TSPO: variants seen among roughly 807,000 people sequenced by gnomAD.
TSPO encodes benzodiazepine peripheral binding site.
TSPO carries 14 observed loss-of-function variants against 13.9 expected under a neutral mutation model. The ratio of observed to expected loss-of-function variants is 1.01; its 90% CI spans 0.67 to 1.58. The LOEUF is 1.58. TSPO is among the 40% of genes most tolerant of loss of function. The pLI is 0.00. For synonymous variants in TSPO, 114 were observed against 105.9 expected, an observed-to-expected ratio of 1.08 and a Z score of -0.47; for missense variants, 232 against 229.6, an observed-to-expected ratio of 1.01 and a Z score of -0.07.
Position 43,154,999 on chromosome 22 carries a change from G to A in TSPO, c.-30+3395G>A, listed in dbSNP as rs914865751. On this transcript the variant is annotated intron_variant, in intron 1 of 3. Coordinates refer to ENST00000337554, the MANE Select transcript of TSPO (RefSeq NM_000714.6). ...AGTGGCCTGCGGGTCCAATCCTGGC[G>A]CCGCAGGCTCTATGAGCCCTGTTTC... Among the ~76,000 whole-genome samples the A allele has an allele frequency of 2.0e-5, 3 of 151,948 alleles. No individual in the cohort carries two copies. The South Asian group carries it at 6.2e-4, about 32-fold the overall frequency.
chr22:43,155,849 C>T (rs903091475), intron 1 of TSPO, among the ~76,000 whole-genome samples: 8 of 152,200 alleles, frequency 5.3e-5, no homozygotes, highest in African/African-American at 1.9e-4. Flanking sequence ...CATGTGTGCC[C>T]CCTGGCCTGG....
chr22:43,153,990 C>A (rs76824102), intron 1 of TSPO, among the ~76,000 whole-genome samples: 5,203 of 152,106 alleles, frequency 0.034, 304 homozygotes, highest in African/African-American at 0.12. Context: ...AAAAGTTTAA[C>A]CCCCGAACCT....
At chr22:43,154,612 C>A (rs1281000284) in intron 1 of TSPO, among the ~76,000 whole-genome samples, 1 of 152,030 alleles carries the variant, frequency 6.6e-6, no homozygotes, top group Non-Finnish European at 1.5e-5. Flanking sequence ...CCTGCCTCAG[C>A]CTCCCAAAGT....
chr22:43,161,002 G>T, intron 2 of TSPO, 50 bp from the exon 3 acceptor site: 2 of 1,568,912 alleles, frequency 1.3e-6, no homozygotes, highest in South Asian at 1.2e-5. Context: ...GGTGGGCAAC[G>T]CTCCTGGCCT....
rs1331422610 is a variant in TSPO at position 43,159,215 on chromosome 22, C to T, written c.-24C>T. On this transcript the variant is annotated 5_prime_UTR_variant, in exon 2 of 4. Transcript: ENST00000337554. ...AGCCCTGTCTTCTCTTTCAGAGCTC[C>T]CCTGAACAGCAGCTGCAGCAGCCAT... 6.6e-7 allele frequency: 1 copy of T among 1,526,002 alleles called. No homozygotes were observed. Among genetic ancestry groups the T allele is most frequent in the East Asian group, 2.5e-5 (1 of 40,758 alleles). The allele number at this position is 1,526,002 out of a possible 1,614,324, so 94.5% of individuals were successfully genotyped here. A position where few individuals can be genotyped will look rare whatever the true frequency, so the allele number is the denominator to read the frequency against.
rs9333330 is a variant in TSPO at position 43,158,860 on chromosome 22, G to A, written c.-29-350G>A. Reference sequence around the variant, plus strand: ...AAAGGTGAATGTGAAGTGCTGGAACGTAAAGCACTGGCCTGGCAGAGCTCC... The same window carrying A: ...AAAGGTGAATGTGAAGTGCTGGAACATAAAGCACTGGCCTGGCAGAGCTCC... On this transcript the variant is annotated intron_variant, in intron 1 of 3. Coordinates refer to ENST00000337554, the MANE Select transcript of TSPO (RefSeq NM_000714.6). 5.3e-4 allele frequency among the ~76,000 whole-genome samples: 80 copies of A among 152,260 alleles called. 2 individuals are homozygous for A. The East Asian group carries it at 0.014, about 28-fold the overall frequency.
chr22:43,153,336 C>CTTTT (rs1052119233), intron 1 of TSPO, among the ~76,000 whole-genome samples: 1 of 50,746 alleles, frequency 2.0e-5, no homozygotes, highest in African/African-American at 9.8e-5. Flanking sequence ...TTTGTGTTTT[C>CTTTT]TTTTTTTTTT....
chr22:43,156,627 G>C (rs1191076992), intron 1 of TSPO, among the ~76,000 whole-genome samples: 1 of 152,210 alleles, frequency 6.6e-6, no homozygotes, highest in Non-Finnish European at 1.5e-5. Context: ...ACAGAGGGTG[G>C]TTGCACAACA....
At position 43,159,692 on chromosome 22, in the gene TSPO, A is replaced by G. The variant is rs563535145; in HGVS notation, c.182+272A>G. On this transcript the variant is annotated intron_variant, in intron 2 of 3. Transcript: ENST00000337554. ...CAGGCAGAGGCCGGCTTAGTGTGTG[A>G]AGGTTGGTCTTGGGCAGAGGCATGG... is the stretch of plus-strand genomic sequence containing the variant. 1.1e-3 allele frequency: 426 copies of G among 398,366 alleles called. 2 individuals are homozygous for G. Among genetic ancestry groups the G allele is most frequent in the African/African-American group, 8.4e-3 (406 of 48,500 alleles). The allele number at this position is 398,366 out of a possible 1,614,324, so 24.7% of individuals were successfully genotyped here. A position where few individuals can be genotyped will look rare whatever the true frequency, so the allele number is the denominator to read the frequency against.
Position 43,161,137 on chromosome 22 carries a change from GC to G in TSPO, c.271del (p.Leu91Ter). On this transcript the variant is annotated frameshift_variant, in exon 3 of 4. Transcript: ENST00000337554. LOFTEE classifies it high-confidence loss of function. ...CCTGGGCCTCTACACTGGGCAGCTGGCCCTGAACTGGGCATGGCCCCCCATC... is the reference window on the plus strand; with the variant it reads ...CCTGGGCCTCTACACTGGGCAGCTGGCCTGAACTGGGCATGGCCCCCCATC... ...VPLGLYTGQLALNWAWPPIFF... is the reference protein window; with the variant it reads ...VPLGLYTGQLXLNWAWPPIFF... 1 of 1,614,142 alleles carries G rather than the reference GC, an allele frequency of 6.2e-7. No homozygotes were observed. The highest frequency in any genetic ancestry group is 8.5e-7 in the Non-Finnish European group (1 of 1,179,962).
chr22:43,159,430 C>T lies in TSPO; in HGVS notation c.182+10C>T, dbSNP rs753398897. The T allele has an allele frequency of 1.8e-5, 27 of 1,495,260 alleles. No individual in the cohort carries two copies. The highest frequency in any genetic ancestry group is 6.5e-5 in the Admixed American group (3 of 46,474). The allele number at this position is 1,495,260 out of a possible 1,614,324, so 92.6% of individuals were successfully genotyped here. A position where few individuals can be genotyped will look rare whatever the true frequency, so the allele number is the denominator to read the frequency against. On this transcript the variant is annotated intron_variant, in intron 2 of 3. Coordinates refer to ENST00000337554, the MANE Select transcript of TSPO (RefSeq NM_000714.6). Reference sequence around the variant, plus strand: ...TCTACTCAGCCATGGGGTAGGTGGGCGTGCACTGGCCTGGGGATAAGCCTG... The same window carrying T: ...TCTACTCAGCCATGGGGTAGGTGGGTGTGCACTGGCCTGGGGATAAGCCTG...
intron 3 of TSPO, 125 bp downstream of exon 3, chr22:43,161,315 TCTAG>T (rs1332378858): frequency 2.9e-6 from 4 of 1,371,952 alleles, no homozygotes; most frequent in Non-Finnish European, 3.9e-6. Context: ...GCCATGTCTC[TCTAG>T]CTGTAAGCAG....
chr22:43,152,898 T>C (rs2147048683), intron 1 of TSPO, among the ~76,000 whole-genome samples: 1 of 152,274 alleles, frequency 6.6e-6, no homozygotes, highest in South Asian at 2.1e-4. Flanking sequence ...GCAGGATGTC[T>C]GGCTGGATCT....
In TSPO at chr22:43,159,280, G is replaced by T; in HGVS notation, c.42G>T (p.Ala14=). 6.4e-7 allele frequency: 1 copy of T among 1,555,098 alleles called. No homozygotes were observed. ...TGCCCGCCATGGGCTTCACGCTGGCGCCCAGCCTGGGGTGCTTCGTGGGCT... is the reference window on the plus strand; with the variant it reads ...TGCCCGCCATGGGCTTCACGCTGGCTCCCAGCCTGGGGTGCTTCGTGGGCT... The part of the protein sequence containing the change: ...PWVPAMGFTL[A]PSLGCFVGSR... The change falls in exon 2 of 4, where the codon GCG becomes GCT. Residue 14 remains alanine, a synonymous_variant. Transcript: ENST00000337554.
rs1026175946 is a variant in TSPO, at chr22:43,162,961, C to G, written c.480C>G (p.Gly160=). ...LNYCVWRDNH[G]WRGGRRLPE is the part of the protein sequence containing the mutation. ...ACTGCGTATGGCGGGACAACCATGG[C>G]TGGCGTGGGGGACGGCGGCTGCCAG... is the stretch of plus-strand genomic sequence containing the variant. Residue 160 remains glycine, a synonymous_variant, in exon 4 of 4, where the codon GGC becomes GGG. Coordinates refer to ENST00000337554, the MANE Select transcript of TSPO (RefSeq NM_000714.6). The G allele has an allele frequency of 4.4e-6, 7 of 1,594,188 alleles. No individual in the cohort carries two copies. In the Admixed American group the frequency reaches 5.2e-5, roughly 12 times the overall value.
intron 3 of TSPO, among the ~76,000 whole-genome samples, 176 bp downstream of exon 3, chr22:43,161,366 G>A (rs371088722): frequency 6.6e-5 from 10 of 152,300 alleles, no homozygotes; most frequent in East Asian, 5.8e-4. Context: ...TGACTCCTCC[G>A]GTGAGGGAAG....
chr22:43,152,173 T>G (rs1020968352), intron 1 of TSPO: 1 of 152,352 alleles, frequency 6.6e-6, no homozygotes, highest in African/African-American at 2.4e-5. Context: ...GAGCAGCCTC[T>G]GGGACCTGTC....
Position 43,163,134 on chromosome 22 carries a change from C to T in TSPO, c.*143C>T. 8 of 1,471,754 alleles carry T rather than the reference C, an allele frequency of 5.4e-6. No homozygotes were observed. Among genetic ancestry groups the T allele is most frequent in the Non-Finnish European group, 7.2e-6 (8 of 1,113,158 alleles). The allele number at this position is 1,471,754 out of a possible 1,614,324, so 91.2% of individuals were successfully genotyped here. A position where few individuals can be genotyped will look rare whatever the true frequency, so the allele number is the denominator to read the frequency against. ...GGGTCAGCAGAGCTTCAGAGGTGGC[C>T]CCACCTGAGCCCCCACCCGGGAGCA... On this transcript the variant is annotated 3_prime_UTR_variant, in exon 4 of 4. Transcript: ENST00000337554.
intron 1 of TSPO, among the ~76,000 whole-genome samples, chr22:43,153,371 G>A (rs1254079244): frequency 3.2e-5 from 2 of 62,006 alleles, no homozygotes; most frequent in African/African-American, 1.1e-4. Flanking sequence ...TTGAGACGGA[G>A]TCTCGCTCTG....
Sources: gnomAD v4.1 joint callset for allele counts (sites outside exome capture counted in the v4.1 genomes callset) on GRCh38, gnomAD v4.1.1 for gene constraint, MANE v1.5 for transcripts, NCBI Gene and HGNC (gene_info 2026-07-23, HGNC 2026-07-21) for gene names.